LHFPL2: variants seen among roughly 807,000 people sequenced by gnomAD.
The protein encoded by LHFPL2 is LHFPL tetraspan subfamily member 2.
LHFPL2 carries 7 observed loss-of-function variants against 17.5 expected under a neutral mutation model. The observed-to-expected ratio is 0.40, with a 90% confidence interval of 0.23 to 0.75. The LOEUF (loss-of-function observed/expected upper bound fraction) is 0.75. LHFPL2 is among the 30% of genes least tolerant of loss of function. The pLI, the probability that LHFPL2 is intolerant of heterozygous loss-of-function variation, is 0.37. For missense variants in LHFPL2, 241 were observed against 294.8 expected (o/e 0.82, Z 1.34); for synonymous variants, 134 against 116.2 (o/e 1.15, Z -0.99).
At chr5:78,598,373 C>T (rs1327378696) in intron 2 of LHFPL2, among the ~76,000 whole-genome samples, 4 of 152,122 alleles carry the variant, frequency 2.6e-5, no homozygotes, top group Non-Finnish European at 4.4e-5. Flanking sequence ...CCTAGGCTTG[C>T]GAAGCCATGA....
intron 2 of LHFPL2, among the ~76,000 whole-genome samples, chr5:78,584,185 T>G: frequency 6.6e-6 from 1 of 150,968 alleles, no homozygotes. Context: ...TACATTCTTC[T>G]AAATTTTTTT....
chr5:78,586,046 C>G (rs1434501738), intron 2 of LHFPL2, among the ~76,000 whole-genome samples: 1 of 152,188 alleles, frequency 6.6e-6, no homozygotes, highest in Non-Finnish European at 1.5e-5. Flanking sequence ...AGGAACAGCA[C>G]CAACCTTGAA....
chr5:78,596,844 T>C lies in LHFPL2; in HGVS notation c.-244-31973A>G, dbSNP rs188358618. The stretch of plus-strand genomic sequence containing the variant: ...CTTCCTTTGATAATAATATTGACAG[T>C]TTCTTCTGCTCCCAAATTTTTGCCT... On this transcript the variant is annotated intron_variant, in intron 2 of 4. Transcript: ENST00000380345. Among the ~76,000 whole-genome samples the C allele has an allele frequency of 6.0e-4, 92 of 152,270 alleles. No homozygotes were observed. The Middle Eastern group carries it at 0.01, about 17-fold the overall frequency.
intron 2 of LHFPL2, among the ~76,000 whole-genome samples, chr5:78,582,591 C>G (rs1298010482): frequency 6.6e-6 from 1 of 151,280 alleles, no homozygotes; most frequent in African/African-American, 2.4e-5. Flanking sequence ...TGTAGTTGAG[C>G]GGTTTTGAGT....
At chr5:78,497,944 G>T (rs1284122752) in intron 4 of LHFPL2, among the ~76,000 whole-genome samples, 1 of 152,200 alleles carries the variant, frequency 6.6e-6, no homozygotes, top group African/African-American at 2.4e-5. Context: ...TTTCCAGCTT[G>T]GCCTGGCTGC....
intron 3 of LHFPL2, among the ~76,000 whole-genome samples, chr5:78,557,464 C>T (rs1425045212): frequency 6.6e-6 from 1 of 152,184 alleles, no homozygotes; most frequent in Non-Finnish European, 1.5e-5. Context: ...AAAAATGGAT[C>T]GGACTTCAAC....
At chr5:78,562,791 C>A (rs1477857197) in intron 3 of LHFPL2, among the ~76,000 whole-genome samples, 1 of 151,960 alleles carries the variant, frequency 6.6e-6, no homozygotes, top group African/African-American at 2.4e-5. Flanking sequence ...ACAGAGAAGG[C>A]TGGTTTTATT....
intron 2 of LHFPL2, among the ~76,000 whole-genome samples, chr5:78,611,031 AG>A (rs545957526): frequency 6.6e-6 from 1 of 152,186 alleles, no homozygotes; most frequent in South Asian, 2.1e-4. Flanking sequence ...GTTACTGAGA[AG>A]GGAAAAAAAA....
chr5:78,583,751 A>G (rs1260280417), intron 2 of LHFPL2, among the ~76,000 whole-genome samples: 3 of 150,106 alleles, frequency 2.0e-5, no homozygotes, highest in Non-Finnish European at 3.0e-5. Flanking sequence ...GAATCTGACA[A>G]TTATGTGTCT....
chr5:78,545,168 G>C (rs1307482889), intron 3 of LHFPL2, among the ~76,000 whole-genome samples: 3 of 151,948 alleles, frequency 2.0e-5, no homozygotes, highest in South Asian at 2.1e-4. Flanking sequence ...ACCACGCAGA[G>C]AGCGCTTCTT....
chr5:78,525,587 C>T (rs1755598630), intron 3 of LHFPL2, among the ~76,000 whole-genome samples: 1 of 152,094 alleles, frequency 6.6e-6, no homozygotes, highest in African/African-American at 2.4e-5. Flanking sequence ...TTAACACTCA[C>T]CTTGATAAAA....
In LHFPL2 at chr5:78,487,322, A is replaced by G. The variant is rs1754281982; in HGVS notation, c.*1575T>C. ...TGCTTTAGACTCAGACAGCTTTAAC[A>G]TGATTCACTCAGGGCAAGGTTGCAA... is the stretch of plus-strand genomic sequence containing the variant. On this transcript the variant is annotated 3_prime_UTR_variant, in exon 5 of 5. Coordinates refer to ENST00000380345, the MANE Select transcript of LHFPL2 (RefSeq NM_005779.3). 6.6e-6 allele frequency: 1 copy of G among 152,210 alleles called. No homozygotes were observed. Among genetic ancestry groups the G allele is most frequent in the Non-Finnish European group, 1.5e-5 (1 of 68,020 alleles). The allele number at this position is 152,210 out of a possible 1,614,324, so 9.4% of individuals were successfully genotyped here. A position where few individuals can be genotyped will look rare whatever the true frequency, so the allele number is the denominator to read the frequency against.
intron 2 of LHFPL2, among the ~76,000 whole-genome samples, chr5:78,584,908 TCTGA>T (rs1031129370): frequency 1.5e-4 from 23 of 151,528 alleles, no homozygotes; most frequent in Non-Finnish European, 2.5e-4. Context: ...CAGTTTGATC[TCTGA>T]CTGCTGTGCT....
intron 3 of LHFPL2, among the ~76,000 whole-genome samples, chr5:78,544,953 G>T (rs1291115554): frequency 6.6e-6 from 1 of 151,960 alleles, no homozygotes; most frequent in African/African-American, 2.4e-5. Flanking sequence ...CATCTGCATT[G>T]TAATCCCAAG....
chr5:78,637,331 C>G (rs925820388), intron 1 of LHFPL2, among the ~76,000 whole-genome samples: 2 of 143,650 alleles, frequency 1.4e-5, no homozygotes, highest in African/African-American at 5.3e-5. Flanking sequence ...CCTTCCTAAT[C>G]TAGTTAAACT....
At chr5:78,582,261 A>G (rs1368895358) in intron 2 of LHFPL2, among the ~76,000 whole-genome samples, 3 of 151,964 alleles carry the variant, frequency 2.0e-5, no homozygotes, top group Non-Finnish European at 2.9e-5. Flanking sequence ...AATTTTTTGA[A>G]GGTTTTTTTG....
At chr5:78,551,624 A>G (rs1756445700) in intron 3 of LHFPL2, among the ~76,000 whole-genome samples, 1 of 152,230 alleles carries the variant, frequency 6.6e-6, no homozygotes, top group African/African-American at 2.4e-5. Flanking sequence ...CAGCAGCCTT[A>G]GAAACATGAA....
At chr5:78,547,477 T>C (rs1756314386) in intron 3 of LHFPL2, among the ~76,000 whole-genome samples, 1 of 152,236 alleles carries the variant, frequency 6.6e-6, no homozygotes, top group Non-Finnish European at 1.5e-5. Flanking sequence ...GGAGCCATAG[T>C]GCATTTACAC....
At chr5:78,581,554 G>A (rs1001572468) in intron 2 of LHFPL2, among the ~76,000 whole-genome samples, 1 of 152,110 alleles carries the variant, frequency 6.6e-6, no homozygotes, top group Non-Finnish European at 1.5e-5. Flanking sequence ...TAATCATGTG[G>A]TTTTTGTCTT....
Sources: allele counts gnomAD v4.1 joint callset (sites outside exome capture counted in the v4.1 genomes callset), GRCh38; gene constraint gnomAD v4.1.1; transcripts MANE v1.5; gene names NCBI Gene and HGNC (gene_info 2026-07-23, HGNC 2026-07-21).